LIPE: variants seen among roughly 807,000 people sequenced by gnomAD.
LIPE encodes the protein lipase E, hormone sensitive type, also known as hormone-sensitive lipase.
LIPE carries 66 observed loss-of-function variants against 88.5 expected under a neutral mutation model. The observed-to-expected ratio is 0.75, with a 90% CI of 0.61 to 0.91. The LOEUF (loss-of-function observed/expected upper bound fraction) is 0.91, where lower values mean the gene tolerates loss of function less well. LIPE is among the 40% of genes least tolerant of loss of function. The pLI is 0.00. For synonymous variants in LIPE, 570 were observed against 617.5 expected (o/e 0.92, Z 1.14); for missense variants, 1,346 against 1,434.7 (o/e 0.94, Z 1.00).
chr19:42,401,660 G>A lies in LIPE; in HGVS notation c.*152C>T. On this transcript the variant is annotated 3_prime_UTR_variant, in exon 10 of 10. Coordinates refer to ENST00000244289, the MANE Select transcript of LIPE (RefSeq NM_005357.4). ...GTCTCGGTGACCGGTGTGTGTGCGC[G>A]TCCCCCTCCCCGTGGCGAGGGTCTC... 1.7e-6 allele frequency: 1 copy of A among 594,294 alleles called. No individual in the cohort carries two copies. Among genetic ancestry groups the A allele is most frequent in the Non-Finnish European group, 2.8e-6 (1 of 361,156 alleles). 36.8% of individuals were successfully genotyped at this position (594,294 alleles called of 1,614,324 possible).
chr19:42,426,548 A>T lies in LIPE; in HGVS notation c.602T>A (p.Leu201Ter). Residue 201 changes from leucine to a stop codon, truncating the protein, a stop_gained, in exon 1 of 10, where the codon TTG (leucine) becomes TAG (stop). Coordinates refer to ENST00000244289, the MANE Select transcript of LIPE (RefSeq NM_005357.4). LOFTEE classifies it high-confidence loss of function. ...VQGAKSKQGSLTELGFLTKLQ... is the reference protein window; with the variant it reads ...VQGAKSKQGS Reference sequence around the variant, plus strand: ...TTTTGTTAGAAATCCCAGCTCTGTCAAAGATCCCTGCTTGGATTTGGCTCC... The same window carrying T: ...TTTTGTTAGAAATCCCAGCTCTGTCTAAGATCCCTGCTTGGATTTGGCTCC... 1 of 1,614,214 alleles carries T rather than the reference A, an allele frequency of 6.2e-7. No individual in the cohort carries two copies. Among genetic ancestry groups the T allele is most frequent in the Non-Finnish European group, 8.5e-7 (1 of 1,180,044 alleles).
rs147680554 is a variant in LIPE at position 42,426,943 on chromosome 19, A to C, written c.207T>G (p.Ala69=). The change falls in exon 1 of 10, where the codon GCT becomes GCG. Residue 69 remains alanine, a synonymous_variant. Coordinates refer to ENST00000244289, the MANE Select transcript of LIPE (RefSeq NM_005357.4). ...TQQETPAQHD[A]ESQKEPRAQQ... The stretch of plus-strand genomic sequence containing the variant: ...GGGCTCTAGGTTCCTTCTGGGATTC[A>C]GCATCATGTTGTGCAGGGGTCTCCT... 6.2e-7 allele frequency: 1 copy of C among 1,614,040 alleles called. No individual in the cohort carries two copies. Among genetic ancestry groups the C allele is most frequent in the East Asian group, 2.2e-5 (1 of 44,866 alleles).
Position 42,410,055 on chromosome 19 carries a change from A to G in LIPE, c.1419+252T>C, listed in dbSNP as rs2040324780. On this transcript the variant is annotated intron_variant, in intron 2 of 9. Coordinates refer to ENST00000244289, the MANE Select transcript of LIPE (RefSeq NM_005357.4). This position sits in a 1 kb window ranked among gnomAD's most constrained non-coding sequence, Gnocchi z 6.1. Reference sequence around the variant, plus strand: ...TCTTGCATGTAGGACAATAGAGAGTAGTGGATATCCTGGTGAAAAAAGCTC... The same window carrying G: ...TCTTGCATGTAGGACAATAGAGAGTGGTGGATATCCTGGTGAAAAAAGCTC... 1.3e-5 allele frequency among the ~76,000 whole-genome samples: 2 copies of G among 152,180 alleles called. No individual in the cohort carries two copies. Among genetic ancestry groups the G allele is most frequent in the African/African-American group, 4.8e-5 (2 of 41,438 alleles).
intron 1 of LIPE, among the ~76,000 whole-genome samples, chr19:42,419,146 C>T (rs1459477829): frequency 6.6e-5 from 10 of 152,082 alleles, no homozygotes; most frequent in Non-Finnish European, 1.5e-4. Flanking sequence ...GGCATGGTGG[C>T]GCGTGCCTGT....
chr19:42,405,508 C>T lies in LIPE; in HGVS notation c.2419G>A (p.Gly807Arg). The change falls in exon 8 of 10, where the codon GGG (glycine) becomes AGG (arginine). Residue 807 changes from glycine (G) to arginine (R), a missense_variant. Gly to Arg is a moderately radical substitution (Grantham distance 125, BLOSUM62 -2). Coordinates refer to ENST00000244289, the MANE Select transcript of LIPE (RefSeq NM_005357.4). ...NSDQKALGMM[G>R]LVRRDTALLL... ...AGGGCTGTGTCCCGCCGCACCAGCC[C>T]CATCATGCCGAGGGCTTTCTGGTCT... is the stretch of plus-strand genomic sequence containing the variant. 1 of 1,614,150 alleles carries T rather than the reference C, an allele frequency of 6.2e-7. No individual in the cohort carries two copies.
At chr19:42,403,375 T>C (rs769214462) in intron 8 of LIPE, among the ~76,000 whole-genome samples, 11 of 151,798 alleles carry the variant, frequency 7.2e-5, no homozygotes, top group Non-Finnish European at 1.2e-4. Context: ...CCTTGGTTCA[T>C]AGGTGGCAGG....
At chr19:42,422,612 C>T (rs2040620862) in intron 1 of LIPE, among the ~76,000 whole-genome samples, 1 of 152,160 alleles carries the variant, frequency 6.6e-6, no homozygotes, top group African/African-American at 2.4e-5. Context: ...GGGAACCTCC[C>T]ACGGGTCCCC....
At chr19:42,422,891 G>A (rs2147671039) in intron 1 of LIPE, 1 of 156,586 alleles carries the variant, frequency 6.4e-6, no homozygotes, top group South Asian at 1.7e-4. Flanking sequence ...TGGATGGATG[G>A]ACTGACTTGC....
At chr19:42,423,841 G>T in intron 1 of LIPE, 2 of 1,109,062 alleles carry the variant, frequency 1.8e-6, no homozygotes, top group Non-Finnish European at 2.2e-6. Context: ...GCCCCGCGGG[G>T]AGCACCCCAG....
In LIPE at chr19:42,405,530, G is replaced by T. The variant is rs2040141906; in HGVS notation, c.2397C>A (p.Asp799Glu). 1 of 1,614,202 alleles carries T rather than the reference G, an allele frequency of 6.2e-7. No homozygotes were observed. The highest frequency in any genetic ancestry group is 8.5e-7 in the Non-Finnish European group (1 of 1,180,026). ...GAKTEDHSNS[D>E]QKALGMMGLV... ...GCCCCATCATGCCGAGGGCTTTCTGGTCTGAGTTGGAGTGGTCCTCCGTCT... is the reference window on the plus strand; with the variant it reads ...GCCCCATCATGCCGAGGGCTTTCTGTTCTGAGTTGGAGTGGTCCTCCGTCT... Residue 799 changes from aspartate to glutamate, a missense_variant, in exon 8 of 10, where the codon GAC becomes GAA. Asp to Glu is a conservative substitution (Grantham distance 45). Coordinates refer to ENST00000244289, the MANE Select transcript of LIPE (RefSeq NM_005357.4).
At chr19:42,423,136 A>C (rs1025046305) in intron 1 of LIPE, 3 of 300,570 alleles carry the variant, frequency 1.0e-5, no homozygotes, top group Non-Finnish European at 2.0e-5. Context: ...TCACACAGCG[A>C]ATACGGAATC....
chr19:42,405,648 G>T, intron 7 of LIPE, 87 bp from the exon 8 acceptor site: 1 of 1,329,762 alleles, frequency 7.5e-7, no homozygotes. Flanking sequence ...TGTGGTCCCA[G>T]GGACCCGAGA....
chr19:42,404,705 A>G (rs968035479), intron 8 of LIPE, among the ~76,000 whole-genome samples: 1 of 152,194 alleles, frequency 6.6e-6, no homozygotes, highest in African/African-American at 2.4e-5. Flanking sequence ...GTGCAAAACA[A>G]TGTGAGAATA....
intron 1 of LIPE, chr19:42,412,469 C>G: frequency 1.0e-6 from 1 of 985,988 alleles, no homozygotes; most frequent in Non-Finnish European, 1.2e-6. Context: ...CTGGCCTGCC[C>G]AGGGTGTAGC....
chr19:42,423,676 C>A (rs537235837), intron 1 of LIPE: 1 of 1,151,710 alleles, frequency 8.7e-7, no homozygotes, highest in South Asian at 1.7e-5. Flanking sequence ...AGCTCCCTAA[C>A]CAATTCTGGT....
Position 42,405,443 on chromosome 19 carries a change from G to A in LIPE, c.2484C>T (p.Leu828=), listed in dbSNP as rs1568597247. 6.2e-7 allele frequency: 1 copy of A among 1,614,036 alleles called. No individual in the cohort carries two copies. The highest frequency in any genetic ancestry group is 8.5e-7 in the Non-Finnish European group (1 of 1,180,020). The change falls in exon 8 of 10, where the codon CTC becomes CTT. Residue 828 remains leucine (L), a synonymous_variant. Coordinates refer to ENST00000244289, the MANE Select transcript of LIPE (RefSeq NM_005357.4). ...RDFRLGASSW[L]NSFLELSGRK... ...GCCCACTTAACTCCAGGAAGGAGTTGAGCCATGAGGAGGCACCCAGGCGGA... is the reference window on the plus strand; with the variant it reads ...GCCCACTTAACTCCAGGAAGGAGTTAAGCCATGAGGAGGCACCCAGGCGGA...
intron 1 of LIPE, chr19:42,424,923 C>T: frequency 6.0e-6 from 2 of 330,926 alleles, no homozygotes; most frequent in Non-Finnish European, 1.2e-5. Flanking sequence ...TGCGGTGAGC[C>T]CAGAGCCTTG....
At chr19:42,424,683 C>T (rs2040675540) in intron 1 of LIPE, 1 of 454,830 alleles carries the variant, frequency 2.2e-6, no homozygotes, top group African/African-American at 2.0e-5. Context: ...GGACCAGGGC[C>T]TCACAGATAC....
intron 9 of LIPE, 47 bp downstream of exon 9, chr19:42,402,560 C>T (rs1159131142): frequency 6.3e-6 from 9 of 1,417,746 alleles, no homozygotes; most frequent in Non-Finnish European, 8.3e-6. Flanking sequence ...CCCCGGGTGC[C>T]CTGCTCTTCT....
Sources: gnomAD v4.1 joint callset for allele counts (sites outside exome capture counted in the v4.1 genomes callset) on GRCh38, gnomAD v4.1.1 for gene constraint, Gnocchi (gnomAD v3.1) non-coding constraint, MANE v1.5 for transcripts, NCBI Gene and HGNC (gene_info 2026-07-23, HGNC 2026-07-21) for gene names.